Variants in MGAT4C observed in about 807,000 individuals in gnomAD.
MGAT4C encodes the protein MGAT4 family member C.
Under a neutral mutation model 40.1 loss-of-function variants are expected in MGAT4C, and 19 were observed. The ratio of observed to expected loss-of-function variants is 0.47; its 90% confidence interval spans 0.33 to 0.70. The LOEUF (loss-of-function observed/expected upper bound fraction) is 0.70. Among genes scored for constraint, MGAT4C ranks in the 30% least tolerant of loss-of-function variants. The pLI is 0.02. For missense variants in MGAT4C, 491 were observed against 563.2 expected, an observed-to-expected ratio of 0.87 and a Z score of 1.30; for synonymous variants, 181 against 187.1, an observed-to-expected ratio of 0.97 and a Z score of 0.27.
chr12:86,322,338 G>A (rs936662059), intron 4 of MGAT4C, among the ~76,000 whole-genome samples: 7 of 151,486 alleles, frequency 4.6e-5, no homozygotes, highest in African/African-American at 9.7e-5. Flanking sequence ...AAACCTGCAC[G>A]TTGTGCACAT....
At position 86,010,168 on chromosome 12, in the gene MGAT4C, T is replaced by C. The variant is rs143236469; in HGVS notation, c.-6-20616A>G. Among the ~76,000 whole-genome samples, 323 of 151,892 alleles carry C rather than the reference T, an allele frequency of 2.1e-3. 2 individuals carry two copies. Among genetic ancestry groups the C allele is most frequent in the African/African-American group, 7.2e-3 (299 of 41,386 alleles). ...AAGGGGGAAGTAGTCTAAGTTTGTATATCTACACCATATAGATAATAGGTG... is the reference window on the plus strand; with the variant it reads ...AAGGGGGAAGTAGTCTAAGTTTGTACATCTACACCATATAGATAATAGGTG... On this transcript the variant is annotated intron_variant, in intron 2 of 4. Coordinates refer to ENST00000611864, the MANE Select transcript of MGAT4C (RefSeq NM_001351288.2).
intron 2 of MGAT4C, among the ~76,000 whole-genome samples, chr12:86,456,231 C>T (rs998450413): frequency 4.6e-5 from 7 of 151,972 alleles, no homozygotes; most frequent in Non-Finnish European, 7.4e-5. Flanking sequence ...TTTTTAACAT[C>T]GTCGTCATCA....
intron 2 of MGAT4C, among the ~76,000 whole-genome samples, chr12:86,671,251 T>A (rs1413176332): frequency 6.6e-6 from 1 of 152,206 alleles, no homozygotes; most frequent in Non-Finnish European, 1.5e-5. Flanking sequence ...TATTTTCACA[T>A]TTAAAATCAG....
At chr12:86,164,114 G>C (rs974507592) in intron 1 of MGAT4C, among the ~76,000 whole-genome samples, 19 of 152,124 alleles carry the variant, frequency 1.2e-4, no homozygotes, top group Admixed American at 5.2e-4. Context: ...ATGCCTTTGA[G>C]AGTAAATCAA....
Position 86,076,850 on chromosome 12 carries a change from A to G in MGAT4C, c.-56-27127T>C, listed in dbSNP as rs1253982039. On this transcript the variant is annotated intron_variant, in intron 1 of 4. Transcript: ENST00000611864. Reference sequence around the variant, plus strand: ...GGTGGAGACATAGCCAAACCATATCATCACACAATAAGCCATCTGCAGGCT... The same window carrying G: ...GGTGGAGACATAGCCAAACCATATCGTCACACAATAAGCCATCTGCAGGCT... Among the ~76,000 whole-genome samples the G allele has an allele frequency of 2.0e-5, 3 of 152,318 alleles. No homozygotes were observed. The East Asian group carries it at 5.8e-4, about 29-fold the overall frequency.
At chr12:86,591,773 T>C (rs1196479727) in intron 2 of MGAT4C, among the ~76,000 whole-genome samples, 3 of 151,722 alleles carry the variant, frequency 2.0e-5, no homozygotes, top group African/African-American at 7.2e-5. Flanking sequence ...TTTAATTATA[T>C]AAAAGCATTA....
intron 2 of MGAT4C, among the ~76,000 whole-genome samples, chr12:86,021,665 C>CA (rs1461245215): frequency 6.6e-6 from 1 of 151,754 alleles, no homozygotes. Context: ...GTGTAGCACA[C>CA]CAACATGGCA....
At chr12:86,064,399 A>G (rs541850745) in intron 1 of MGAT4C, among the ~76,000 whole-genome samples, 37 of 152,226 alleles carry the variant, frequency 2.4e-4, no homozygotes, top group African/African-American at 8.7e-4. Context: ...AAATAAAATA[A>G]AATAAGAAAC....
chr12:86,509,886 G>A (rs1355865679), intron 2 of MGAT4C, among the ~76,000 whole-genome samples: 1 of 152,142 alleles, frequency 6.6e-6, no homozygotes, highest in Admixed American at 6.6e-5. Context: ...GTATAAGAAT[G>A]CTTGTGATTT....
chr12:86,006,918 T>C (rs1384618230), intron 2 of MGAT4C, among the ~76,000 whole-genome samples: 2 of 152,164 alleles, frequency 1.3e-5, no homozygotes, highest in Non-Finnish European at 2.9e-5. Flanking sequence ...ACAAAACCCA[T>C]TGCATTAGCC....
chr12:86,468,300 C>T (rs7316265), intron 2 of MGAT4C, among the ~76,000 whole-genome samples: 137,068 of 151,730 alleles, frequency 0.9, 62,046 homozygotes, highest in East Asian at 1. Context: ...TTTTTCCTTT[C>T]CTTTTCACCT....
rs529427920 is a variant in MGAT4C, at chr12:86,767,192, G to A, written c.-261-39951C>T. On this transcript the variant is annotated intron_variant, in intron 1 of 7. Transcript: ENST00000548651. Reference sequence around the variant, plus strand: ...AAATGATAAAGGGGTTATCACCACTGATCCCACAGAAATACAAACTACCAT... The same window carrying A: ...AAATGATAAAGGGGTTATCACCACTAATCCCACAGAAATACAAACTACCAT... Among the ~76,000 whole-genome samples the A allele has an allele frequency of 8.9e-4, 136 of 152,268 alleles. 1 individual carries two copies. Among genetic ancestry groups the A allele is most frequent in the African/African-American group, 3.2e-3 (131 of 41,548 alleles).
At chr12:86,073,819 A>G (rs984502510) in intron 1 of MGAT4C, among the ~76,000 whole-genome samples, 1 of 152,222 alleles carries the variant, frequency 6.6e-6, no homozygotes, top group Admixed American at 6.5e-5. Context: ...CTTGTCTCAG[A>G]TAAGACTACG....
chr12:86,589,396 T>A (rs561677596), intron 2 of MGAT4C, among the ~76,000 whole-genome samples: 29 of 152,182 alleles, frequency 1.9e-4, no homozygotes, highest in Non-Finnish European at 1.3e-4. Context: ...GGAGCTGAAA[T>A]TGTGGCAATA....
chr12:86,420,967 A>T (rs919551547), intron 3 of MGAT4C, among the ~76,000 whole-genome samples: 3 of 151,792 alleles, frequency 2.0e-5, no homozygotes, highest in Admixed American at 2.0e-4. Context: ...GTAAAATCTG[A>T]ATCATAGAAG....
chr12:86,268,101 A>C (rs1952836062), intron 4 of MGAT4C, among the ~76,000 whole-genome samples: 1 of 152,152 alleles, frequency 6.6e-6, no homozygotes, highest in Non-Finnish European at 1.5e-5. Context: ...TTGAATTATA[A>C]ATTCTTTTAA....
intron 2 of MGAT4C, among the ~76,000 whole-genome samples, chr12:86,655,921 C>T (rs1203497191): frequency 6.6e-6 from 1 of 152,020 alleles, no homozygotes; most frequent in Non-Finnish European, 1.5e-5. Flanking sequence ...GGGTCTGATG[C>T]TCACGAGTTG....
intron 1 of MGAT4C, among the ~76,000 whole-genome samples, chr12:86,118,154 G>A (rs191200130): frequency 6.6e-6 from 1 of 152,206 alleles, no homozygotes; most frequent in African/African-American, 2.4e-5. Context: ...CAAGGGGATC[G>A]AATGCCATTT....
chr12:86,635,121 T>C (rs1963178995), intron 2 of MGAT4C, among the ~76,000 whole-genome samples: 1 of 152,134 alleles, frequency 6.6e-6, no homozygotes, highest in African/African-American at 2.4e-5. Flanking sequence ...ATCTTACAAG[T>C]TTCCTTATAG....
Sources: allele counts gnomAD v4.1 joint callset (sites outside exome capture counted in the v4.1 genomes callset), GRCh38; gene constraint gnomAD v4.1.1; transcripts MANE v1.5; gene names NCBI Gene and HGNC (gene_info 2026-07-23, HGNC 2026-07-21).